Variants in CNTNAP4 observed in about 807,000 individuals in gnomAD.
CNTNAP4 encodes the protein contactin associated protein family member 4, also known as contactin-associated protein-like 4.
In CNTNAP4, 98 loss-of-function variants were observed where a neutral mutation model predicts 148.4. The ratio of observed to expected loss-of-function variants is 0.66; its 90% confidence interval spans 0.56 to 0.78. The LOEUF (loss-of-function observed/expected upper bound fraction) is 0.78, where lower values mean the gene tolerates loss of function less well. CNTNAP4 is among the 30% of genes least tolerant of loss of function. The pLI is 0.00. For missense variants in CNTNAP4, 1,935 were observed against 1,565.6 expected (o/e 1.24, Z -3.98); for synonymous variants, 730 against 565.1 (o/e 1.29, Z -4.14).
At chr16:76,391,572 C>T (rs541597544) in intron 3 of CNTNAP4, among the ~76,000 whole-genome samples, 30 of 152,290 alleles carry the variant, frequency 2.0e-4, no homozygotes, top group South Asian at 4.1e-4. Context: ...AATCAACTCA[C>T]GTGCAGTATC....
intron 3 of CNTNAP4, among the ~76,000 whole-genome samples, chr16:76,375,137 A>G (rs2015290535): frequency 6.6e-6 from 1 of 151,980 alleles, no homozygotes; most frequent in African/African-American, 2.4e-5. Context: ...AAAGGCACGT[A>G]TTTACTAGGT....
intron 4 of CNTNAP4, among the ~76,000 whole-genome samples, chr16:76,447,078 T>A (rs554053396): frequency 1.3e-5 from 2 of 152,146 alleles, no homozygotes; most frequent in South Asian, 4.2e-4. Context: ...GTGGCTGAGG[T>A]AGGCAGATCG....
chr16:76,371,475 G>A (rs1269096666), intron 3 of CNTNAP4, among the ~76,000 whole-genome samples: 3 of 151,976 alleles, frequency 2.0e-5, no homozygotes, highest in Admixed American at 6.6e-5. Context: ...AGTAGAAACA[G>A]GGTTTCACCA....
chr16:76,472,490 G>T (rs2081411202), intron 10 of CNTNAP4, among the ~76,000 whole-genome samples: 1 of 151,936 alleles, frequency 6.6e-6, no homozygotes, highest in Non-Finnish European at 1.5e-5. Context: ...ATGGTTTGAG[G>T]TTTGCTATAG....
intron 8 of CNTNAP4, among the ~76,000 whole-genome samples, chr16:76,456,967 A>C (rs1474147229): frequency 6.6e-6 from 1 of 152,202 alleles, no homozygotes; most frequent in Non-Finnish European, 1.5e-5. Context: ...TACTATGCAT[A>C]GAAAGCTCCC....
intron 5 of CNTNAP4, 94 bp from the exon 6 acceptor site, chr16:76,448,673 A>G (rs1597576102): frequency 1.1e-6 from 1 of 901,612 alleles, no homozygotes. Flanking sequence ...GGAGATTGCA[A>G]TTATTATGAA....
At chr16:76,354,256 A>G (rs780401813) in intron 2 of CNTNAP4, among the ~76,000 whole-genome samples, 4 of 152,332 alleles carry the variant, frequency 2.6e-5, no homozygotes, top group Middle Eastern at 3.4e-3. Flanking sequence ...TAATTCTTAA[A>G]ATAATTCCCC....
At chr16:76,533,297 A>C (rs908856043) in intron 17 of CNTNAP4, among the ~76,000 whole-genome samples, 1 of 152,186 alleles carries the variant, frequency 6.6e-6, no homozygotes, top group Non-Finnish European at 1.5e-5. Context: ...GGGTGATCTC[A>C]TAAGTAAAAA....
intron 12 of CNTNAP4, among the ~76,000 whole-genome samples, chr16:76,479,879 G>T (rs577987429): frequency 5.9e-5 from 9 of 152,096 alleles, no homozygotes; most frequent in African/African-American, 2.2e-4. Flanking sequence ...TAAAGTTTAC[G>T]TCTTCTTGTA....
At chr16:76,451,472 C>T (rs2080468116) in intron 7 of CNTNAP4, among the ~76,000 whole-genome samples, 1 of 152,054 alleles carries the variant, frequency 6.6e-6, no homozygotes, top group African/African-American at 2.4e-5. Context: ...ATTGTTTAAA[C>T]AGCATTTTAT....
intron 3 of CNTNAP4, among the ~76,000 whole-genome samples, chr16:76,384,075 G>A (rs572782123): frequency 1.8e-4 from 27 of 151,486 alleles, no homozygotes; most frequent in East Asian, 3.9e-4. Flanking sequence ...ATGGAGTCTC[G>A]CCCTGTTGCC....
intron 14 of CNTNAP4, among the ~76,000 whole-genome samples, chr16:76,497,508 G>A (rs931712488): frequency 6.6e-6 from 1 of 152,064 alleles, no homozygotes; most frequent in African/African-American, 2.4e-5. Flanking sequence ...TCATATGGGG[G>A]GCAGCCATAA....
At chr16:76,414,548 T>G (rs2078911684) in intron 3 of CNTNAP4, among the ~76,000 whole-genome samples, 1 of 151,316 alleles carries the variant, frequency 6.6e-6, no homozygotes, top group Non-Finnish European at 1.5e-5. Context: ...CAAAACAAGC[T>G]GGGAAGCATT....
rs1027448622 is a variant in CNTNAP4 at position 76,395,233 on chromosome 16, AT to A, written c.391-32211del. On this transcript the variant is annotated intron_variant, in intron 3 of 23. Transcript: ENST00000611870. ...GGCATCAGCAGATTTGATATTATTAATTTTTTTTAACTTTACCACTTATCAG... is the reference window on the plus strand; with the variant it reads ...GGCATCAGCAGATTTGATATTATTAATTTTTTTAACTTTACCACTTATCAG... Among the ~76,000 whole-genome samples the A allele has an allele frequency of 8.0e-5, 12 of 150,502 alleles. No homozygotes were observed. In the South Asian group the frequency reaches 8.4e-4, roughly 11 times the overall value.
At chr16:76,481,942 A>G (rs2081847065) in intron 12 of CNTNAP4, among the ~76,000 whole-genome samples, 2 of 152,034 alleles carry the variant, frequency 1.3e-5, no homozygotes, top group South Asian at 4.2e-4. Context: ...CTTCATGACA[A>G]TGTTGTAAGA....
intron 12 of CNTNAP4, among the ~76,000 whole-genome samples, chr16:76,488,117 G>A (rs758748220): frequency 2.0e-5 from 3 of 152,242 alleles, no homozygotes; most frequent in Non-Finnish European, 2.9e-5. Context: ...TTAAACTTCC[G>A]ATAGCCAAGG....
At chr16:76,408,205 T>C (rs902454832) in intron 3 of CNTNAP4, among the ~76,000 whole-genome samples, 1 of 152,108 alleles carries the variant, frequency 6.6e-6, no homozygotes, top group Admixed American at 6.6e-5. Flanking sequence ...TTGCAAAATA[T>C]TCACTTTATT....
intron 14 of CNTNAP4, among the ~76,000 whole-genome samples, chr16:76,496,085 T>TTTGTGTGTGTG (rs142841223): frequency 7.1e-6 from 1 of 140,036 alleles, no homozygotes; most frequent in African/African-American, 2.5e-5. Flanking sequence ...CAAGATTATG[T>TTTGTGTGTGTG]TGTGTGTGTG....
chr16:76,412,925 C>T (rs2078848625), intron 3 of CNTNAP4, among the ~76,000 whole-genome samples: 1 of 151,438 alleles, frequency 6.6e-6, no homozygotes, highest in South Asian at 2.1e-4. Context: ...TTTATGTCTA[C>T]AGTCTTCCTG....
Sources: gnomAD v4.1 joint callset for allele counts (sites outside exome capture counted in the v4.1 genomes callset) on GRCh38, gnomAD v4.1.1 for gene constraint, MANE v1.5 for transcripts, NCBI Gene and HGNC (gene_info 2026-07-23, HGNC 2026-07-21) for gene names.